The following KLF8 variants were observed in gnomAD, a reference collection of about 807,000 sequenced individuals.
KLF8 encodes KLF transcription factor 8.
In KLF8, 10 loss-of-function variants were observed where a neutral mutation model predicts 18.2. The ratio of observed to expected loss-of-function variants is 0.55; its 90% CI spans 0.34 to 0.93. KLF8 has a LOEUF of 0.93. Ranked by LOEUF, KLF8 falls within the 40% of genes least tolerant of loss-of-function variation. The pLI is 0.02. For missense variants in KLF8, 264 were observed against 277.9 expected (o/e 0.95, Z 0.36); for synonymous variants, 109 against 97.3 (o/e 1.12, Z -0.71).
the KLF8 span, among the ~76,000 whole-genome samples, chrX:56,052,613 C>T: frequency 8.9e-6 from 1 of 112,025 alleles, no homozygotes; most frequent in South Asian, 3.7e-4. Flanking sequence ...CTTGAGGAAG[C>T]AGTCTCCCCA....
At chrX:55,989,634 G>A in the KLF8 span, among the ~76,000 whole-genome samples, 1 of 111,470 alleles carries the variant, frequency 9.0e-6, no homozygotes, top group African/African-American at 3.3e-5. Context: ...TTGCATCGAT[G>A]TTCGTCGGGG....
chrX:56,174,267 C>G, the KLF8 span, among the ~76,000 whole-genome samples: 1 of 111,684 alleles, frequency 9.0e-6, no homozygotes, highest in Non-Finnish European at 1.9e-5. Context: ...GGAGATACGT[C>G]CCATCAATAC....
At chrX:56,146,259 A>C in the KLF8 span, among the ~76,000 whole-genome samples, 1 of 112,114 alleles carries the variant, frequency 8.9e-6, no homozygotes, top group Non-Finnish European at 1.9e-5. Context: ...AGACACATGC[A>C]CACATATGTT....
the KLF8 span, among the ~76,000 whole-genome samples, chrX:56,035,404 T>C: frequency 8.9e-6 from 1 of 112,190 alleles, no homozygotes; most frequent in Non-Finnish European, 1.9e-5. Context: ...ACCCTGGCTA[T>C]TGTGAATAGT....
At chrX:56,128,997 C>T in the KLF8 span, among the ~76,000 whole-genome samples, 2 of 111,757 alleles carry the variant, frequency 1.8e-5, no homozygotes, top group Non-Finnish European at 1.9e-5. Context: ...TAGTCATGTA[C>T]TTAAAAAATC....
the KLF8 span, among the ~76,000 whole-genome samples, chrX:56,121,305 A>G: frequency 1.3e-3 from 141 of 111,524 alleles, no homozygotes; most frequent in African/African-American, 4.3e-3. Context: ...AGGAAGGAGA[A>G]AGGATGGAGA....
chrX:56,194,319 A>G, the KLF8 span, among the ~76,000 whole-genome samples: 1 of 111,718 alleles, frequency 9.0e-6, no homozygotes, highest in Admixed American at 9.5e-5. Context: ...ACCCAAAGGA[A>G]GCCATGGCAG....
At chrX:56,000,492 A>ATTT in the KLF8 span, among the ~76,000 whole-genome samples, 1 of 17,929 alleles carries the variant, frequency 5.6e-5, no homozygotes, top group African/African-American at 1.0e-4. Context: ...GGGGGGAGGG[A>ATTT]TTTTTTTTTA....
the KLF8 span, among the ~76,000 whole-genome samples, chrX:56,169,197 C>A: frequency 9.0e-6 from 1 of 111,382 alleles, no homozygotes; most frequent in Admixed American, 9.6e-5. Flanking sequence ...AGGTAATACC[C>A]AGGTAGTAAC....
chrX:56,061,986 C>CTTTTTT, the KLF8 span, among the ~76,000 whole-genome samples: 16 of 57,115 alleles, frequency 2.8e-4, 2 homozygotes, highest in African/African-American at 1.9e-3. Context: ...GCAACCCCTG[C>CTTTTTT]TTTTTTTTTT....
At chrX:55,909,048 G>A in the KLF8 span, among the ~76,000 whole-genome samples, 1 of 111,170 alleles carries the variant, frequency 9.0e-6, no homozygotes, top group African/African-American at 3.3e-5. Flanking sequence ...CCAGGTATTA[G>A]AGCCTCGACT....
the KLF8 span, among the ~76,000 whole-genome samples, chrX:55,947,685 A>C: frequency 9.0e-6 from 1 of 111,505 alleles, no homozygotes. Context: ...ATCAGAGCAG[A>C]ATCAAATCAA....
chrX:55,926,949 G>A, the KLF8 span, among the ~76,000 whole-genome samples: 1 of 111,343 alleles, frequency 9.0e-6, no homozygotes, highest in Non-Finnish European at 1.9e-5. Context: ...ACAGAGAAAG[G>A]AGGTCTGTAG....
the KLF8 span, among the ~76,000 whole-genome samples, chrX:56,183,439 C>T: frequency 2.7e-5 from 3 of 111,939 alleles, no homozygotes; most frequent in Non-Finnish European, 3.8e-5. Flanking sequence ...GTGCCCTGCC[C>T]TGCTTCAGCT....
At chrX:56,153,379 C>T in the KLF8 span, among the ~76,000 whole-genome samples, 1 of 110,352 alleles carries the variant, frequency 9.1e-6, no homozygotes, top group Admixed American at 9.7e-5. Flanking sequence ...AGTAGCTTTG[C>T]CTTACTTTTC....
the KLF8 span, among the ~76,000 whole-genome samples, chrX:55,971,929 C>T: frequency 9.1e-6 from 1 of 110,437 alleles, no homozygotes; most frequent in South Asian, 3.8e-4. Flanking sequence ...AGGATATGGA[C>T]AAAAGGGCAC....
At chrX:56,119,974 G>A in the KLF8 span, among the ~76,000 whole-genome samples, 1 of 106,612 alleles carries the variant, frequency 9.4e-6, no homozygotes, top group Non-Finnish European at 1.9e-5. Context: ...TTACACTAGC[G>A]GAGGGTGTTT....
chrX:55,985,153 C>T, the KLF8 span, among the ~76,000 whole-genome samples: 1 of 111,102 alleles, frequency 9.0e-6, no homozygotes, highest in African/African-American at 3.3e-5. Flanking sequence ...TCAATTTTTG[C>T]TTTTGTCGCA....
the KLF8 span, among the ~76,000 whole-genome samples, chrX:55,968,483 AAGAAG>A: frequency 3.6e-5 from 4 of 112,222 alleles, no homozygotes; most frequent in African/African-American, 9.7e-5. Flanking sequence ...TGAAAAGTAT[AAGAAG>A]AGACAAAGAA....
Sources: allele counts gnomAD v4.1 joint callset (sites outside exome capture counted in the v4.1 genomes callset), GRCh38; gene constraint gnomAD v4.1.1; transcripts MANE v1.5; gene names NCBI Gene and HGNC (gene_info 2026-07-23, HGNC 2026-07-21).